The following SMAP1 variants were observed in gnomAD, a reference collection of about 807,000 sequenced individuals.
The protein encoded by SMAP1 is small ArfGAP 1.
A neutral mutation model predicts 58.5 loss-of-function variants in SMAP1; 24 were observed. The observed-to-expected ratio is 0.41, with a 90% CI of 0.30 to 0.58. The LOEUF (loss-of-function observed/expected upper bound fraction) is 0.58. Ranked by LOEUF, SMAP1 falls within the 20% of genes least tolerant of loss-of-function variation. SMAP1 has a pLI of 0.29. For missense variants in SMAP1, 563 were observed against 566.3 expected, an observed-to-expected ratio of 0.99 and a Z score of 0.06; for synonymous variants, 216 against 196.6, an observed-to-expected ratio of 1.10 and a Z score of -0.82.
At chr6:70,823,811 C>T (rs900024748) in intron 6 of SMAP1, among the ~76,000 whole-genome samples, 2 of 149,932 alleles carry the variant, frequency 1.3e-5, no homozygotes, top group African/African-American at 4.9e-5. Context: ...TGAATTCATG[C>T]ATGTGGAACC....
rs531833201 is a variant in SMAP1 at position 70,761,032 on chromosome 6, C to CT, written c.338+5971dup. On this transcript the variant is annotated intron_variant, in intron 3 of 10. Coordinates refer to ENST00000370455, the MANE Select transcript of SMAP1 (RefSeq NM_001044305.3). ...AGCTAATCAGCAGTTCTCCTTTGAGCTTTTCAAAGTTTTACTGCTGTCAGT... is the reference window on the plus strand; with the variant it reads ...AGCTAATCAGCAGTTCTCCTTTGAGCTTTTTCAAAGTTTTACTGCTGTCAGT... 1.1e-4 allele frequency among the ~76,000 whole-genome samples: 17 copies of CT among 152,092 alleles called. No homozygotes were observed. In the East Asian group the frequency reaches 3.3e-3, roughly 29 times the overall value.
chr6:70,672,671 TTGAATGAATGAATGTG>T (rs1766316918), intron 1 of SMAP1, among the ~76,000 whole-genome samples: 2 of 152,084 alleles, frequency 1.3e-5, no homozygotes, highest in Admixed American at 6.6e-5. Flanking sequence ...CAAATATTTT[TTGAATGAATGAATGTG>T]TGAATGAATG....
At chr6:70,698,451 T>G (rs1032594385) in intron 1 of SMAP1, among the ~76,000 whole-genome samples, 6 of 152,240 alleles carry the variant, frequency 3.9e-5, no homozygotes, top group African/African-American at 1.4e-4. Context: ...TGGAAAATTC[T>G]CTGTTATTAT....
intron 4 of SMAP1, among the ~76,000 whole-genome samples, chr6:70,785,332 A>G (rs1469733586): frequency 6.6e-6 from 1 of 152,240 alleles, no homozygotes; most frequent in Non-Finnish European, 1.5e-5. Flanking sequence ...ATAGCACTAA[A>G]TGCCCACAAG....
rs1416067277 is a variant in SMAP1, at chr6:70,860,891, G to A, written c.*557G>A. On this transcript the variant is annotated 3_prime_UTR_variant, in exon 11 of 11. Transcript: ENST00000370455. ...CGTGATTAGTGAAAGGAAGATAAAC[G>A]TGGATGTTACTCCAAAACTTCGTTT... is the stretch of plus-strand genomic sequence containing the variant. The A allele has an allele frequency of 2.3e-5, 9 of 390,652 alleles. No individual in the cohort carries two copies. Among genetic ancestry groups the A allele is most frequent in the Admixed American group, 8.9e-5 (2 of 22,482 alleles). 24.2% of individuals were successfully genotyped at this position (390,652 alleles called of 1,614,324 possible). A position where few individuals can be genotyped will look rare whatever the true frequency, so the allele number is the denominator to read the frequency against.
In SMAP1 at chr6:70,825,177, T is replaced by C. The variant is rs141090841; in HGVS notation, c.577-11764T>C. On this transcript the variant is annotated intron_variant, in intron 6 of 10. Coordinates refer to ENST00000370455, the MANE Select transcript of SMAP1 (RefSeq NM_001044305.3). ...CTTATGTCCCATCGGATTTACAAAA[T>C]AGATATTCAAAGAGAAAATTATTAC... 3.7e-4 allele frequency among the ~76,000 whole-genome samples: 56 copies of C among 152,252 alleles called. 2 individuals are homozygous for C. The East Asian group carries it at 0.01, about 27-fold the overall frequency.
At chr6:70,787,167 T>C (rs1483189964) in intron 4 of SMAP1, among the ~76,000 whole-genome samples, 1 of 152,228 alleles carries the variant, frequency 6.6e-6, no homozygotes, top group Non-Finnish European at 1.5e-5. Context: ...CTATCTGATC[T>C]TTGACAAACC....
chr6:70,741,807 T>C (rs1435308054), intron 2 of SMAP1, among the ~76,000 whole-genome samples: 1 of 152,210 alleles, frequency 6.6e-6, no homozygotes, highest in Non-Finnish European at 1.5e-5. Flanking sequence ...GGTATTTCCA[T>C]ATATCCTCTG....
chr6:70,755,016 C>T lies in SMAP1; in HGVS notation c.289C>T (p.Leu97Phe). The T allele has an allele frequency of 8.1e-6, 13 of 1,610,510 alleles. No individual in the cohort carries two copies. Among genetic ancestry groups the T allele is most frequent in the Non-Finnish European group, 1.1e-5 (13 of 1,177,518 alleles). ...TATGGGAAATACTAAAGCAAGACTACTCTATGAAGCCAATCTTCCAGAGAA... is the reference window on the plus strand; with the variant it reads ...TATGGGAAATACTAAAGCAAGACTATTCTATGAAGCCAATCTTCCAGAGAA... ...QDMGNTKARL[L>F]YEANLPENFR... The change falls in exon 3 of 11, where the codon CTC (leucine) becomes TTC (phenylalanine). Residue 97 changes from leucine to phenylalanine, a missense_variant. This residue lies in a region of SMAP1 where 494 missense variants were observed against 473.8 expected (regional missense o/e 1.04). Coordinates refer to ENST00000370455, the MANE Select transcript of SMAP1 (RefSeq NM_001044305.3).
At chr6:70,835,383 ATC>A (rs973165655) in intron 6 of SMAP1, among the ~76,000 whole-genome samples, 1 of 152,302 alleles carries the variant, frequency 6.6e-6, no homozygotes, top group South Asian at 2.1e-4. Context: ...AAGTTAACGT[ATC>A]TCTAATAGCT....
chr6:70,847,926 T>C (rs150661294), intron 7 of SMAP1, among the ~76,000 whole-genome samples: 76 of 152,334 alleles, frequency 5.0e-4, no homozygotes, highest in African/African-American at 1.5e-3. Context: ...ACTACATGTG[T>C]GTGCATGCAC....
At chr6:70,800,882 G>A (rs1232979231) in intron 6 of SMAP1, among the ~76,000 whole-genome samples, 2 of 152,184 alleles carry the variant, frequency 1.3e-5, no homozygotes, top group Non-Finnish European at 2.9e-5. Flanking sequence ...ATTCCATGGT[G>A]TATATGTGCC....
intron 1 of SMAP1, among the ~76,000 whole-genome samples, chr6:70,687,323 C>T (rs925321785): frequency 4.6e-5 from 7 of 152,022 alleles, no homozygotes; most frequent in South Asian, 2.1e-4. Context: ...ACAGCAGTTT[C>T]TCAAAAAACA....
chr6:70,715,455 A>G (rs1768229916), intron 1 of SMAP1, among the ~76,000 whole-genome samples: 1 of 151,882 alleles, frequency 6.6e-6, no homozygotes, highest in South Asian at 2.1e-4. Context: ...CTGGATTTGT[A>G]TTTTCTTTCC....
intron 1 of SMAP1, among the ~76,000 whole-genome samples, chr6:70,716,659 C>A (rs1346966570): frequency 1.3e-5 from 2 of 151,774 alleles, no homozygotes; most frequent in Non-Finnish European, 2.9e-5. Context: ...GTTACTGGAC[C>A]CATCTTTTGA....
intron 3 of SMAP1, among the ~76,000 whole-genome samples, chr6:70,767,989 T>A (rs1767076550): frequency 2.0e-5 from 3 of 150,612 alleles, no homozygotes; most frequent in South Asian, 4.2e-4. Context: ...AAAGGCCTTT[T>A]CTGCATCTAT....
chr6:70,751,633 A>G (rs1381953764), intron 2 of SMAP1, among the ~76,000 whole-genome samples: 2 of 152,274 alleles, frequency 1.3e-5, no homozygotes, highest in East Asian at 3.9e-4. Flanking sequence ...AAGCCAAAGA[A>G]TTTTCAAAAT....
chr6:70,756,162 C>T (rs756345329), intron 3 of SMAP1, among the ~76,000 whole-genome samples: 3 of 151,970 alleles, frequency 2.0e-5, no homozygotes, highest in Non-Finnish European at 4.4e-5. Context: ...ATAAGATTAT[C>T]TGATTAATTG....
At chr6:70,834,457 G>T (rs1770488128) in intron 6 of SMAP1, among the ~76,000 whole-genome samples, 2 of 151,622 alleles carry the variant, frequency 1.3e-5, no homozygotes, top group Admixed American at 1.3e-4. Flanking sequence ...CATAACATCT[G>T]AGCCTCAGTT....
Sources: allele counts gnomAD v4.1 joint callset (sites outside exome capture counted in the v4.1 genomes callset), GRCh38; gene constraint gnomAD v4.1.1; regional missense constraint gnomAD v4.1.1; transcripts MANE v1.5; gene names NCBI Gene and HGNC (gene_info 2026-07-23, HGNC 2026-07-21).